Variants in PPEF2 observed in about 807,000 individuals in gnomAD.
PPEF2 encodes serine/threonine-protein phosphatase with EF-hands 2.
PPEF2 carries 84 observed loss-of-function variants against 84.7 expected under a neutral mutation model. That is an observed-to-expected ratio of 0.99 (90% CI 0.83 to 1.19). PPEF2 has a LOEUF of 1.19. PPEF2 is among the 50% of genes most tolerant of loss of function. The pLI is 0.00. For synonymous variants in PPEF2, 346 were observed against 345.2 expected, an observed-to-expected ratio of 1.00 and a Z score of -0.03; for missense variants, 924 against 937.5, an observed-to-expected ratio of 0.99 and a Z score of 0.19.
intron 1 of PPEF2, among the ~76,000 whole-genome samples, chr4:75,900,085 T>C (rs1236153534): frequency 3.3e-5 from 5 of 152,226 alleles, no homozygotes; most frequent in Admixed American, 6.5e-5. Context: ...CTGAATCTGA[T>C]GTCATATTTA....
intron 10 of PPEF2, among the ~76,000 whole-genome samples, chr4:75,880,723 A>C (rs913555820): frequency 2.5e-4 from 38 of 152,034 alleles, no homozygotes; most frequent in African/African-American, 8.5e-4. Flanking sequence ...ACACTTTGGG[A>C]GGCCAAAGTG....
chr4:75,900,754 C>A (rs1725102162), intron 1 of PPEF2, among the ~76,000 whole-genome samples: 1 of 152,102 alleles, frequency 6.6e-6, no homozygotes, highest in African/African-American at 2.4e-5. Context: ...AGATAAAAAG[C>A]ACCTTAAATA....
At chr4:75,881,202 C>G (rs371453270) in intron 10 of PPEF2, 1 of 149,154 alleles carries the variant, frequency 6.7e-6, no homozygotes, top group African/African-American at 2.5e-5. Context: ...CGGGTTCAAG[C>G]GATTCTCCTG....
chr4:75,871,211 C>T (rs1385259436), intron 13 of PPEF2, among the ~76,000 whole-genome samples: 1 of 152,056 alleles, frequency 6.6e-6, no homozygotes, highest in Non-Finnish European at 1.5e-5. Flanking sequence ...TGAGCCACCG[C>T]GCCCGGCCAA....
intron 10 of PPEF2, chr4:75,882,638 C>A: frequency 4.0e-6 from 1 of 248,026 alleles, no homozygotes; most frequent in East Asian, 7.9e-5. Flanking sequence ...GATAAGACTA[C>A]AGGCCCATGC....
At chr4:75,892,518 A>T (rs1724913207) in intron 2 of PPEF2, among the ~76,000 whole-genome samples, 1 of 151,304 alleles carries the variant, frequency 6.6e-6, no homozygotes, top group Non-Finnish European at 1.5e-5. Flanking sequence ...GACTAGGAAA[A>T]GCAAACAATA....
chr4:75,884,390 C>T (rs1004337383), intron 8 of PPEF2, among the ~76,000 whole-genome samples: 1 of 149,458 alleles, frequency 6.7e-6, no homozygotes, highest in Non-Finnish European at 1.5e-5. Context: ...ATTGCACCTG[C>T]ACTCTAGCCT....
At chr4:75,887,558 T>G (rs528544174) in intron 6 of PPEF2, among the ~76,000 whole-genome samples, 70 of 151,040 alleles carry the variant, frequency 4.6e-4, no homozygotes, top group Non-Finnish European at 6.9e-4. Context: ...GAGGCGGAGC[T>G]TGCAGTGAGC....
intron 1 of PPEF2, among the ~76,000 whole-genome samples, chr4:75,900,871 C>T (rs928944660): frequency 2.6e-5 from 4 of 152,072 alleles, no homozygotes; most frequent in Middle Eastern, 3.4e-3. Flanking sequence ...CATATGAAAA[C>T]GGCCCCAAGA....
chr4:75,862,192 C>T (rs1724021146), intron 16 of PPEF2, among the ~76,000 whole-genome samples: 1 of 150,510 alleles, frequency 6.6e-6, no homozygotes, highest in Non-Finnish European at 1.5e-5. Context: ...ACTCAGCAGG[C>T]TGAGGCAGAA....
In PPEF2 at chr4:75,883,539, C is replaced by T. The variant is rs754838116; in HGVS notation, c.747-337G>A. 6.5e-5 allele frequency: 16 copies of T among 244,896 alleles called. No homozygotes were observed. In the Admixed American group the frequency reaches 7.1e-4, roughly 11 times the overall value. The allele number at this position is 244,896 out of a possible 1,614,324, so 15.2% of individuals were successfully genotyped here. On this transcript the variant is annotated intron_variant, in intron 8 of 16. Coordinates refer to ENST00000286719, the MANE Select transcript of PPEF2 (RefSeq NM_006239.3). ...GTGTAAATTAAAAAAAAAATCTGGGCTGGGCATGGTGGCTCACGCCTGTAG... is the reference window on the plus strand; with the variant it reads ...GTGTAAATTAAAAAAAAAATCTGGGTTGGGCATGGTGGCTCACGCCTGTAG...
intron 16 of PPEF2, among the ~76,000 whole-genome samples, chr4:75,862,232 G>T (rs1413096690): frequency 6.7e-6 from 1 of 150,242 alleles, no homozygotes; most frequent in East Asian, 2.0e-4. Context: ...GGCGGAGGTT[G>T]CAGTGAGCCA....
chr4:75,864,410 CA>C (rs759700171), intron 16 of PPEF2, 29 bp downstream of exon 16: 2 of 1,510,862 alleles, frequency 1.3e-6, no homozygotes, highest in Non-Finnish European at 1.8e-6. Flanking sequence ...TGCAGTGCTT[CA>C]AAAGTGATAG....
At chr4:75,890,607 G>C (rs1724854909) in intron 4 of PPEF2, among the ~76,000 whole-genome samples, 1 of 152,066 alleles carries the variant, frequency 6.6e-6, no homozygotes, top group Non-Finnish European at 1.5e-5. Context: ...AACAGTCTAG[G>C]ATGGGCAGGA....
intron 10 of PPEF2, 76 bp downstream of exon 10, chr4:75,882,850 G>C: frequency 6.8e-7 from 1 of 1,477,432 alleles, no homozygotes; most frequent in South Asian, 1.3e-5. Context: ...ACTGCAGTCA[G>C]CATGTAAGAT....
At chr4:75,866,119 C>T in intron 15 of PPEF2, 70 bp downstream of exon 15, 1 of 1,434,220 alleles carries the variant, frequency 7.0e-7, no homozygotes, top group East Asian at 2.4e-5. Flanking sequence ...TTGGTTGTTT[C>T]TGAATCAAAT....
intron 5 of PPEF2, chr4:75,889,029 G>A (rs954528658): frequency 1.9e-4 from 29 of 152,322 alleles, no homozygotes; most frequent in African/African-American, 6.5e-4. Context: ...GGCTAACATG[G>A]TGAAACTCCA....
chr4:75,876,211 C>T (rs916780595), intron 11 of PPEF2, 76 bp downstream of exon 11: 1 of 1,501,768 alleles, frequency 6.7e-7, no homozygotes, highest in Admixed American at 2.2e-5. Flanking sequence ...CAAAACATAT[C>T]CTGAGTTTCC....
In PPEF2 at chr4:75,900,244, T is replaced by C. The variant is rs182562830; in HGVS notation, c.-59+1986A>G. 3.6e-3 allele frequency among the ~76,000 whole-genome samples: 544 copies of C among 152,292 alleles called. 5 individuals carry two copies. Among genetic ancestry groups the C allele is most frequent in the African/African-American group, 0.012 (514 of 41,556 alleles). On this transcript the variant is annotated intron_variant, in intron 1 of 16. Transcript: ENST00000286719. ...ATCCTCTTTTGCCCTTAGGCAACTT[T>C]TTTTCTCATGAATTTATAAATTCAA...
Sources: gnomAD v4.1 joint callset for allele counts (sites outside exome capture counted in the v4.1 genomes callset) on GRCh38, gnomAD v4.1.1 for gene constraint, MANE v1.5 for transcripts, NCBI Gene and HGNC (gene_info 2026-07-23, HGNC 2026-07-21) for gene names.